Variants in SUGCT observed in about 807,000 individuals in gnomAD.
The protein encoded by SUGCT is succinyl-CoA:glutarate-CoA transferase.
Under a neutral mutation model 55.0 loss-of-function variants are expected in SUGCT, and 41 were observed. The ratio of observed to expected loss-of-function variants is 0.74; its 90% CI spans 0.58 to 0.97. SUGCT has a LOEUF of 0.97. Ranked by LOEUF, SUGCT falls within the 50% of genes least tolerant of loss-of-function variation. The pLI is 0.00. For missense variants in SUGCT, 568 were observed against 547.8 expected, an observed-to-expected ratio of 1.04 and a Z score of -0.37; for synonymous variants, 187 against 200.4, an observed-to-expected ratio of 0.93 and a Z score of 0.56.
At chr7:40,272,068 GCTCTCTCTCT>G (rs369167019) in intron 7 of SUGCT, among the ~76,000 whole-genome samples, 7,664 of 92,820 alleles carry the variant, frequency 0.083, 463 homozygotes, top group Middle Eastern at 0.2. Context: ...TCTCTGTCTC[GCTCTCTCTCT>G]CTCTCTCTCT....
intron 1 of SUGCT, among the ~76,000 whole-genome samples, chr7:40,172,062 C>G (rs1784703030): frequency 6.6e-6 from 1 of 152,066 alleles, no homozygotes; most frequent in Non-Finnish European, 1.5e-5. Flanking sequence ...AGGACGTTAG[C>G]TTGTTGCCCC....
intron 6 of SUGCT, among the ~76,000 whole-genome samples, chr7:40,232,887 A>AT: frequency 6.6e-6 from 1 of 152,224 alleles, no homozygotes. Context: ...ATATGCATAC[A>AT]TTTTTCCTCT....
intron 11 of SUGCT, among the ~76,000 whole-genome samples, chr7:40,469,059 A>T (rs964835762): frequency 6.6e-6 from 1 of 152,166 alleles, no homozygotes; most frequent in Admixed American, 6.5e-5. Flanking sequence ...CCACTCTCCC[A>T]TATCTACATG....
chr7:40,250,962 G>T (rs895012726), intron 7 of SUGCT, among the ~76,000 whole-genome samples: 40 of 150,486 alleles, frequency 2.7e-4, no homozygotes, highest in African/African-American at 9.8e-4. Flanking sequence ...TCAGCCTCCC[G>T]AGTAGCTGGG....
At chr7:40,735,969 G>T (rs191050133) in intron 12 of SUGCT, among the ~76,000 whole-genome samples, 14 of 151,860 alleles carry the variant, frequency 9.2e-5, no homozygotes, top group African/African-American at 3.4e-4. Context: ...AAAACAGAAT[G>T]CAAATCATCT....
Position 40,321,145 on chromosome 7 carries a change from G to A in SUGCT, c.816+4290G>A, listed in dbSNP as rs75593814. ...AGGCTGGAGTGTATGGTGCGATCTC[G>A]GCTCACTGCAACCTCTGCCTCCTCG... On this transcript the variant is annotated intron_variant, in intron 9 of 13. Coordinates refer to ENST00000335693, the MANE Select transcript of SUGCT (RefSeq NM_001193313.2). Among the ~76,000 whole-genome samples the A allele has an allele frequency of 7.2e-4, 101 of 140,354 alleles. 2 individuals are homozygous for A. The East Asian group carries it at 9.8e-3, about 14-fold the overall frequency. The allele number at this position is 140,354 out of a possible 152,430, so 92.1% of individuals were successfully genotyped here.
chr7:40,364,468 A>G (rs1398642010), intron 9 of SUGCT, among the ~76,000 whole-genome samples: 3 of 151,982 alleles, frequency 2.0e-5, no homozygotes, highest in East Asian at 3.9e-4. Context: ...GTTCCTTTCC[A>G]TGTTTAGTGC....
intron 6 of SUGCT, among the ~76,000 whole-genome samples, chr7:40,227,870 ATT>A: frequency 6.8e-6 from 1 of 147,924 alleles, no homozygotes; most frequent in African/African-American, 2.6e-5. Flanking sequence ...TTATTTATTT[ATT>A]TATATATTTA....
chr7:40,300,213 G>T (rs1180286352), intron 8 of SUGCT, among the ~76,000 whole-genome samples: 1 of 152,126 alleles, frequency 6.6e-6, no homozygotes, highest in African/African-American at 2.4e-5. Flanking sequence ...AAGTCATACA[G>T]ACAAGGCTGT....
chr7:40,323,565 A>C lies in SUGCT; in HGVS notation c.816+6710A>C, dbSNP rs188863624. Among the ~76,000 whole-genome samples, 1,025 of 152,014 alleles carry C rather than the reference A, an allele frequency of 6.7e-3. 9 individuals are homozygous for C. The highest frequency in any genetic ancestry group is 8.6e-3 in the Non-Finnish European group (583 of 67,954). ...ACACCACCATGCCCAGCTATTTAAA[A>C]AGTTTTTTTTAGAGACAGGGTCTCA... On this transcript the variant is annotated intron_variant, in intron 9 of 13. Transcript: ENST00000335693.
chr7:40,807,768 A>G (rs1791182231), intron 13 of SUGCT, among the ~76,000 whole-genome samples: 1 of 152,192 alleles, frequency 6.6e-6, no homozygotes, highest in Non-Finnish European at 1.5e-5. Context: ...ACACGATCAC[A>G]AGGTGAGGTC....
At chr7:40,377,810 A>G (rs1239195485) in intron 9 of SUGCT, among the ~76,000 whole-genome samples, 1 of 152,142 alleles carries the variant, frequency 6.6e-6, no homozygotes, top group Non-Finnish European at 1.5e-5. Flanking sequence ...TTATAATTTT[A>G]ATTTGTCCTT....
At chr7:40,223,021 C>T (rs1428069772) in intron 6 of SUGCT, among the ~76,000 whole-genome samples, 1 of 150,992 alleles carries the variant, frequency 6.6e-6, no homozygotes, top group African/African-American at 2.4e-5. Flanking sequence ...TTCCTTCCTT[C>T]CTTCCTTCCT....
At chr7:40,334,444 C>T (rs1796558327) in intron 9 of SUGCT, among the ~76,000 whole-genome samples, 1 of 152,202 alleles carries the variant, frequency 6.6e-6, no homozygotes, top group South Asian at 2.1e-4. Flanking sequence ...GATCATCATT[C>T]TAACTGGTGG....
At chr7:40,953,022 C>T in the SUGCT span, among the ~76,000 whole-genome samples, 1 of 152,158 alleles carries the variant, frequency 6.6e-6, no homozygotes, top group South Asian at 2.1e-4. Flanking sequence ...TGGGGAAGTT[C>T]TCTGGATAAT....
chr7:40,367,895 C>T (rs1784093404), intron 9 of SUGCT, among the ~76,000 whole-genome samples: 1 of 152,172 alleles, frequency 6.6e-6, no homozygotes, highest in Non-Finnish European at 1.5e-5. Context: ...TCTGTCCTCA[C>T]AGCCTCTCCA....
chr7:40,521,962 A>G (rs370989552), intron 12 of SUGCT, among the ~76,000 whole-genome samples: 1 of 152,088 alleles, frequency 6.6e-6, no homozygotes, highest in Non-Finnish European at 1.5e-5. Flanking sequence ...TTACTCTTCT[A>G]TATTCTGTTT....
At chr7:40,800,642 A>C (rs1790771887) in intron 13 of SUGCT, among the ~76,000 whole-genome samples, 1 of 152,114 alleles carries the variant, frequency 6.6e-6, no homozygotes, top group African/African-American at 2.4e-5. Context: ...CACAGAAAGA[A>C]GATTCCTGTT....
At chr7:40,301,987 A>G (rs1236247153) in intron 8 of SUGCT, among the ~76,000 whole-genome samples, 1 of 152,216 alleles carries the variant, frequency 6.6e-6, no homozygotes, top group Non-Finnish European at 1.5e-5. Flanking sequence ...AGCCCTGGAA[A>G]GGGTAACATC....
Sources: allele counts gnomAD v4.1 joint callset (sites outside exome capture counted in the v4.1 genomes callset), GRCh38; gene constraint gnomAD v4.1.1; transcripts MANE v1.5; gene names NCBI Gene and HGNC (gene_info 2026-07-23, HGNC 2026-07-21).